The following FAF1 variants were observed in gnomAD, a reference collection of about 807,000 sequenced individuals.
FAF1 encodes Fas associated factor 1, also known as FAS-associated factor 1.
FAF1 carries 25 observed loss-of-function variants against 92.5 expected under a neutral mutation model. The ratio of observed to expected loss-of-function variants is 0.27; its 90% CI spans 0.20 to 0.38. The LOEUF (loss-of-function observed/expected upper bound fraction) is 0.38, where lower values mean the gene tolerates loss of function less well. Ranked by LOEUF, FAF1 falls within the 10% of genes least tolerant of loss-of-function variation. The pLI is 1.00. For missense variants in FAF1, 636 were observed against 793.3 expected (o/e 0.80, Z 2.38); for synonymous variants, 234 against 273.2 (o/e 0.86, Z 1.42).
At chr1:50,470,804 T>C (rs1220753369) in intron 18 of FAF1, 1 of 152,234 alleles carries the variant, frequency 6.6e-6, no homozygotes, top group African/African-American at 2.4e-5. Context: ...GGGATTCACA[T>C]GCAAGACTAA....
At chr1:50,664,594 T>C (rs1255391712) in intron 7 of FAF1, among the ~76,000 whole-genome samples, 1 of 151,816 alleles carries the variant, frequency 6.6e-6, no homozygotes, top group Non-Finnish European at 1.5e-5. Flanking sequence ...ATCGAGACCA[T>C]CCTGGCTAAC....
chr1:50,475,716 A>C lies in FAF1; in HGVS notation c.1654-37T>G, dbSNP rs1321174448. On this transcript the variant is annotated intron_variant, in intron 17 of 18. Coordinates refer to ENST00000396153, the MANE Select transcript of FAF1 (RefSeq NM_007051.3). ...AAAAACCAGGTGTTAAAATGTGAGAAGGACTGGACTATGGAGAGTGGGGAG... is the reference window on the plus strand; with the variant it reads ...AAAAACCAGGTGTTAAAATGTGAGACGGACTGGACTATGGAGAGTGGGGAG... 3 of 1,443,636 alleles carry C rather than the reference A, an allele frequency of 2.1e-6. No individual in the cohort carries two copies. The African/African-American group carries it at 4.2e-5, about 20-fold the overall frequency. 89.4% of individuals were successfully genotyped at this position (1,443,636 alleles called of 1,614,324 possible). A position where few individuals can be genotyped will look rare whatever the true frequency, so the allele number is the denominator to read the frequency against.
intron 1 of FAF1, among the ~76,000 whole-genome samples, chr1:50,935,969 G>A (rs779341796): frequency 2.5e-4 from 38 of 152,244 alleles, no homozygotes; most frequent in East Asian, 3.9e-4. Flanking sequence ...CCAAACCTCA[G>A]GGCACTCAGA....
At chr1:50,511,594 T>C (rs1647135126) in intron 15 of FAF1, among the ~76,000 whole-genome samples, 1 of 152,244 alleles carries the variant, frequency 6.6e-6, no homozygotes, top group Non-Finnish European at 1.5e-5. Context: ...TTTTTATGGC[T>C]GCATAATATC....
At position 50,695,050 on chromosome 1, in the gene FAF1, A is replaced by G. The variant is rs147412345; in HGVS notation, c.657+10736T>C. On this transcript the variant is annotated intron_variant, in intron 7 of 18. Coordinates refer to ENST00000396153, the MANE Select transcript of FAF1 (RefSeq NM_007051.3). ...GGCTAAGAAAGTCAATGTGTAAAAC[A>G]AAATTTTCTATTCATCTGAATAAAG... is the stretch of plus-strand genomic sequence containing the variant. Among the ~76,000 whole-genome samples, 1,099 of 152,302 alleles carry G rather than the reference A, an allele frequency of 7.2e-3. 18 individuals are homozygous for G. Among genetic ancestry groups the G allele is most frequent in the African/African-American group, 0.025 (1,027 of 41,578 alleles).
At chr1:50,591,095 T>C (rs777821516) in intron 9 of FAF1, among the ~76,000 whole-genome samples, 1 of 152,222 alleles carries the variant, frequency 6.6e-6, no homozygotes, top group Non-Finnish European at 1.5e-5. Context: ...GTTTTTCAGA[T>C]ATGTCTTTCA....
At chr1:50,763,545 T>C (rs1265410653) in intron 4 of FAF1, among the ~76,000 whole-genome samples, 1 of 152,124 alleles carries the variant, frequency 6.6e-6, no homozygotes, top group African/African-American at 2.4e-5. Flanking sequence ...CAGACATACA[T>C]TGTACCATTT....
chr1:50,705,786 C>T lies in FAF1; in HGVS notation c.657G>A (p.Glu219=). The part of the protein sequence containing the change: ...LNFSGSSTIQ[E]VKRNVYDLTS... ...TTCTTAGCTGTGAGACATAACTCAC[C>T]TCTTGAATAGTACTGCTTCCTGAGA... Residue 219 remains glutamate, a splice_region_variant and synonymous_variant, in exon 7 of 19, where the codon GAG becomes GAA. Transcript: ENST00000396153. 6.4e-7 allele frequency: 1 copy of T among 1,554,498 alleles called. No individual in the cohort carries two copies. The highest frequency in any genetic ancestry group is 8.9e-7 in the Non-Finnish European group (1 of 1,127,080).
At chr1:50,796,132 T>C (rs1302533427) in intron 3 of FAF1, among the ~76,000 whole-genome samples, 1 of 151,010 alleles carries the variant, frequency 6.6e-6, no homozygotes, top group Non-Finnish European at 1.5e-5. Flanking sequence ...ACAGAATAAA[T>C]AGTGAAAGAA....
intron 6 of FAF1, among the ~76,000 whole-genome samples, chr1:50,730,360 TC>T (rs1658866149): frequency 6.6e-6 from 1 of 152,072 alleles, no homozygotes; most frequent in Admixed American, 6.5e-5. Flanking sequence ...TAGTTTTAAG[TC>T]CCTTTTTTTC....
intron 4 of FAF1, among the ~76,000 whole-genome samples, chr1:50,760,096 T>C (rs1158260767): frequency 6.6e-6 from 1 of 152,142 alleles, no homozygotes; most frequent in Non-Finnish European, 1.5e-5. Flanking sequence ...GATGAGTAGG[T>C]TGCATACTGG....
chr1:50,887,092 T>C (rs1304595647), intron 1 of FAF1, among the ~76,000 whole-genome samples: 2 of 152,324 alleles, frequency 1.3e-5, no homozygotes, highest in Non-Finnish European at 1.5e-5. Flanking sequence ...TGAGATGGTA[T>C]CTGATTGTGG....
chr1:50,706,294 G>A (rs537561992), intron 6 of FAF1, among the ~76,000 whole-genome samples: 2 of 151,958 alleles, frequency 1.3e-5, no homozygotes, highest in South Asian at 2.1e-4. Flanking sequence ...AATAACAGAA[G>A]TATGAAACTA....
At chr1:50,796,532 C>T (rs747962609) in intron 3 of FAF1, among the ~76,000 whole-genome samples, 4 of 152,144 alleles carry the variant, frequency 2.6e-5, no homozygotes, top group African/African-American at 4.8e-5. Flanking sequence ...CTATCACTTT[C>T]CTTTGTGCCC....
intron 6 of FAF1, among the ~76,000 whole-genome samples, chr1:50,731,054 G>A (rs944422692): frequency 6.6e-6 from 1 of 152,184 alleles, no homozygotes; most frequent in Non-Finnish European, 1.5e-5. Flanking sequence ...ATACTGGAGA[G>A]AACAAAAGGT....
chr1:50,529,675 C>T (rs941125766), intron 15 of FAF1, among the ~76,000 whole-genome samples: 1 of 152,146 alleles, frequency 6.6e-6, no homozygotes, highest in Non-Finnish European at 1.5e-5. Context: ...GTTCCACCTG[C>T]CTTGTAGCTT....
chr1:50,832,590 C>G, intron 2 of FAF1, among the ~76,000 whole-genome samples: 1 of 152,206 alleles, frequency 6.6e-6, no homozygotes, highest in East Asian at 1.9e-4. Context: ...ACCTTCCTCA[C>G]AGTGTTAAGT....
chr1:50,519,420 G>T (rs1647388150), intron 15 of FAF1, among the ~76,000 whole-genome samples: 1 of 92,364 alleles, frequency 1.1e-5, no homozygotes, highest in South Asian at 3.1e-4. Context: ...GGGAGAGAAG[G>T]AAGGAAGGAA....
At chr1:50,660,211 A>T (rs1655311077) in intron 7 of FAF1, among the ~76,000 whole-genome samples, 1 of 152,238 alleles carries the variant, frequency 6.6e-6, no homozygotes, top group Non-Finnish European at 1.5e-5. Context: ...TTAGGAAAGT[A>T]ATTCTTAGGA....
Sources: allele counts gnomAD v4.1 joint callset (sites outside exome capture counted in the v4.1 genomes callset), GRCh38; gene constraint gnomAD v4.1.1; transcripts MANE v1.5; gene names NCBI Gene and HGNC (gene_info 2026-07-23, HGNC 2026-07-21).